CPNE8: variants seen among roughly 807,000 people sequenced by gnomAD.
The protein encoded by CPNE8 is copine 8.
A neutral mutation model predicts 81.5 loss-of-function variants in CPNE8; 45 were observed. The ratio of observed to expected loss-of-function variants is 0.55; its 90% CI spans 0.44 to 0.71. The LOEUF (loss-of-function observed/expected upper bound fraction) is 0.71, where lower values mean the gene tolerates loss of function less well. CPNE8 is among the 30% of genes least tolerant of loss of function. The pLI, the probability that CPNE8 is intolerant of heterozygous loss-of-function variation, is 0.00. For missense variants in CPNE8, 594 were observed against 672.1 expected (o/e 0.88, Z 1.28); for synonymous variants, 252 against 226.3 (o/e 1.11, Z -1.02).
At chr12:38,857,306 G>A (rs891883461) in intron 3 of CPNE8, among the ~76,000 whole-genome samples, 23 of 152,078 alleles carry the variant, frequency 1.5e-4, no homozygotes, top group African/African-American at 5.6e-4. Context: ...ATAATTGGCA[G>A]TACATGAATA....
At chr12:38,786,045 G>C (rs944835218) in intron 6 of CPNE8, among the ~76,000 whole-genome samples, 2 of 152,064 alleles carry the variant, frequency 1.3e-5, no homozygotes, top group African/African-American at 4.8e-5. Context: ...AATGACAGGT[G>C]AAAGTCCTTA....
chr12:38,871,156 A>T (rs2137101992), intron 3 of CPNE8, among the ~76,000 whole-genome samples: 1 of 152,328 alleles, frequency 6.6e-6, no homozygotes, highest in South Asian at 2.1e-4. Context: ...CTAACTGGCC[A>T]ATACTACTTG....
chr12:38,755,559 G>A (rs1030281151), intron 10 of CPNE8, among the ~76,000 whole-genome samples: 1 of 151,996 alleles, frequency 6.6e-6, no homozygotes, highest in Admixed American at 6.6e-5. Flanking sequence ...AATTGTTAAA[G>A]TGAGCTTTAA....
At chr12:38,833,479 C>CTTTTTTT (rs543470951) in intron 5 of CPNE8, among the ~76,000 whole-genome samples, 1 of 130,718 alleles carries the variant, frequency 7.7e-6, no homozygotes. Flanking sequence ...TGAAATTAAC[C>CTTTTTTT]TTTTTTTTTT....
At chr12:38,762,348 G>A (rs941837028) in intron 8 of CPNE8, 132 bp from the exon 9 acceptor site, 3 of 417,932 alleles carry the variant, frequency 7.2e-6, no homozygotes, top group Non-Finnish European at 1.3e-5. Flanking sequence ...ATCACTTCAT[G>A]GAAAGAGATA....
chr12:38,856,580 A>C (rs1943739607), intron 3 of CPNE8, among the ~76,000 whole-genome samples: 1 of 152,216 alleles, frequency 6.6e-6, no homozygotes, highest in Admixed American at 6.5e-5. Context: ...GCAGAATCTT[A>C]GATTTTTCTT....
At chr12:38,844,143 T>C (rs1161245493) in intron 4 of CPNE8, among the ~76,000 whole-genome samples, 1 of 152,208 alleles carries the variant, frequency 6.6e-6, no homozygotes, top group Non-Finnish European at 1.5e-5. Flanking sequence ...CATTATACAT[T>C]TCATGATTAT....
At chr12:38,748,912 ATTTAG>A (rs1941296428) in intron 10 of CPNE8, among the ~76,000 whole-genome samples, 1 of 152,174 alleles carries the variant, frequency 6.6e-6, no homozygotes, top group Non-Finnish European at 1.5e-5. Context: ...TTAAAAAGTT[ATTTAG>A]TTTAAATAGT....
intron 13 of CPNE8, among the ~76,000 whole-genome samples, chr12:38,713,296 T>C (rs529867010): frequency 6.6e-6 from 1 of 152,202 alleles, no homozygotes; most frequent in Non-Finnish European, 1.5e-5. Context: ...CCTTCTCTCA[T>C]ACTCCCTTTC....
At chr12:38,854,797 C>T (rs1374907387) in intron 3 of CPNE8, among the ~76,000 whole-genome samples, 1 of 151,980 alleles carries the variant, frequency 6.6e-6, no homozygotes, top group Non-Finnish European at 1.5e-5. Context: ...ATATGAAAAG[C>T]CCACAGCTAA....
chr12:38,787,119 T>C (rs1320624832), intron 6 of CPNE8, among the ~76,000 whole-genome samples: 2 of 152,076 alleles, frequency 1.3e-5, no homozygotes, highest in Non-Finnish European at 2.9e-5. Flanking sequence ...AATAGACATA[T>C]AGAGAACCTT....
At chr12:38,677,313 C>A (rs1387977219) in intron 17 of CPNE8, 139 bp downstream of exon 17, 2 of 574,240 alleles carry the variant, frequency 3.5e-6, no homozygotes, top group South Asian at 2.5e-5. Context: ...TATGAGTTGT[C>A]TGGATAAGGT....
intron 13 of CPNE8, among the ~76,000 whole-genome samples, chr12:38,706,675 C>T (rs1459530292): frequency 2.6e-5 from 4 of 152,210 alleles, no homozygotes; most frequent in South Asian, 4.2e-4. Flanking sequence ...ATTTAGAAGT[C>T]CAGTCTTTGG....
chr12:38,759,940 GT>G (rs1015066108), intron 10 of CPNE8, among the ~76,000 whole-genome samples: 5 of 152,174 alleles, frequency 3.3e-5, no homozygotes, highest in African/African-American at 4.8e-5. Context: ...ATTCACAGGA[GT>G]GTTCAGGTAT....
intron 13 of CPNE8, among the ~76,000 whole-genome samples, chr12:38,720,156 T>C (rs57380829): frequency 0.025 from 3,732 of 152,290 alleles, 151 homozygotes; most frequent in African/African-American, 0.082. Context: ...GCTCCACTTA[T>C]AGAATAACTA....
intron 6 of CPNE8, among the ~76,000 whole-genome samples, chr12:38,777,141 C>G (rs1941954118): frequency 6.6e-6 from 1 of 151,916 alleles, no homozygotes; most frequent in African/African-American, 2.4e-5. Context: ...GGTACTGCCC[C>G]TGAAGGTTTT....
chr12:38,902,319 A>G (rs11169929), intron 1 of CPNE8, among the ~76,000 whole-genome samples: 10,591 of 37,396 alleles, frequency 0.28, 1,201 homozygotes, highest in East Asian at 0.29. Context: ...AAGGAAGGAA[A>G]GAAAGAAAGA....
chr12:38,890,080 A>G (rs1944291409), intron 1 of CPNE8, among the ~76,000 whole-genome samples: 1 of 152,218 alleles, frequency 6.6e-6, no homozygotes, highest in African/African-American at 2.4e-5. Flanking sequence ...AGCATTTTAT[A>G]TATGTGCTGG....
intron 5 of CPNE8, among the ~76,000 whole-genome samples, chr12:38,835,240 C>G (rs529909358): frequency 6.6e-6 from 1 of 152,182 alleles, no homozygotes; most frequent in Admixed American, 6.5e-5. Context: ...GCCTGGGATG[C>G]TGTTCTCCTA....
Sources: gnomAD v4.1 joint callset for allele counts (sites outside exome capture counted in the v4.1 genomes callset) on GRCh38, gnomAD v4.1.1 for gene constraint, MANE v1.5 for transcripts, NCBI Gene and HGNC (gene_info 2026-07-23, HGNC 2026-07-21) for gene names.